Variants in HDAC4 observed in about 807,000 individuals in gnomAD.
HDAC4 encodes histone deacetylase A.
HDAC4 carries 16 observed loss-of-function variants against 135.1 expected under a neutral mutation model. The ratio of observed to expected loss-of-function variants is 0.12; its 90% CI spans 0.08 to 0.18. The LOEUF (loss-of-function observed/expected upper bound fraction) is 0.18, where lower values mean the gene tolerates loss of function less well. HDAC4 is among the 10% of genes least tolerant of loss of function. The pLI, the probability that HDAC4 is intolerant of heterozygous loss-of-function variation, is 1.00. For missense variants in HDAC4, 1,143 were observed against 1,511.8 expected, an observed-to-expected ratio of 0.76 and a Z score of 4.05; for synonymous variants, 685 against 653.4, an observed-to-expected ratio of 1.05 and a Z score of -0.74.
At position 239,134,541 on chromosome 2, in the gene HDAC4, T is replaced by C; in HGVS notation, c.1081A>G (p.Thr361Ala). ...LPNITLGLPA[T>A]GPSAGTAGQQ... is the part of the protein sequence containing the mutation. ...GGCTGACTTACCGCAGAGGGGCCGG[T>C]GGCAGGCAGGCCCAGCGTGATGTTG... Residue 361 changes from threonine to alanine, a missense_variant, in exon 10 of 27, where the codon ACC (threonine) becomes GCC (alanine). Physicochemically the swap from Thr to Ala is moderately conservative, Grantham distance 58. This residue lies in a region of HDAC4 where 272 missense variants were observed against 309.7 expected (regional missense o/e 0.88). Coordinates refer to ENST00000543185, the MANE Select transcript of HDAC4 (RefSeq NM_001378414.1). 1 of 1,614,002 alleles carries C rather than the reference T, an allele frequency of 6.2e-7. No individual in the cohort carries two copies. Among genetic ancestry groups the C allele is most frequent in the East Asian group, 2.2e-5 (1 of 44,858 alleles).
chr2:239,080,951 A>C, intron 22 of HDAC4, 144 bp downstream of exon 22: 1 of 631,864 alleles, frequency 1.6e-6, no homozygotes, highest in Non-Finnish European at 2.8e-6. Flanking sequence ...TGAAGAATGA[A>C]CTGAGACAGC....
intron 22 of HDAC4, among the ~76,000 whole-genome samples, chr2:239,076,403 C>A (rs1252086813): frequency 6.6e-6 from 1 of 152,250 alleles, no homozygotes; most frequent in African/African-American, 2.4e-5. Context: ...CCTGTACATA[C>A]CATCCTCAAA....
chr2:239,119,063 A>C (rs765757969), intron 12 of HDAC4, among the ~76,000 whole-genome samples: 2 of 152,132 alleles, frequency 1.3e-5, no homozygotes, highest in Non-Finnish European at 2.9e-5. Context: ...ATGGCATCCA[A>C]GTCTTGGCTT....
In HDAC4 at chr2:239,094,813, C is replaced by T. The variant is rs955016837; in HGVS notation, c.2280+197G>A. The T allele has an allele frequency of 7.6e-6, 11 of 1,455,450 alleles. No homozygotes were observed. In the African/African-American group the frequency reaches 1.3e-4, roughly 17 times the overall value. 90.2% of individuals were successfully genotyped at this position (1,455,450 alleles called of 1,614,324 possible). On this transcript the variant is annotated intron_variant, in intron 17 of 26. Coordinates refer to ENST00000543185, the MANE Select transcript of HDAC4 (RefSeq NM_001378414.1). The stretch of plus-strand genomic sequence containing the variant: ...AGCCACCTGCGCCAGACAACCTTCC[C>T]CAGAGAAAGGTGCCCGAGTCGGCGA...
chr2:239,258,182 T>C (rs1317940843), intron 2 of HDAC4, among the ~76,000 whole-genome samples: 2 of 148,650 alleles, frequency 1.3e-5, no homozygotes, highest in African/African-American at 2.5e-5. Flanking sequence ...ACAGCTAGAG[T>C]GAATTTGTGA....
intron 26 of HDAC4, 152 bp downstream of exon 26, chr2:239,053,308 G>C: frequency 7.8e-7 from 1 of 1,290,240 alleles, no homozygotes; most frequent in Non-Finnish European, 1.1e-6. Flanking sequence ...CGTCTCTAAG[G>C]GGCTTTGGCA....
chr2:239,290,956 C>T (rs1437925671), intron 2 of HDAC4, among the ~76,000 whole-genome samples: 1 of 152,200 alleles, frequency 6.6e-6, no homozygotes, highest in Non-Finnish European at 1.5e-5. Flanking sequence ...TCTTTAAAAG[C>T]TTTATCCAAT....
intron 2 of HDAC4, among the ~76,000 whole-genome samples, chr2:239,312,503 G>T (rs2052931073): frequency 6.6e-6 from 1 of 152,218 alleles, no homozygotes; most frequent in African/African-American, 2.4e-5. Context: ...GCCAGATGAT[G>T]GTGAAATTCA....
chr2:239,165,975 C>T (rs566598657), intron 5 of HDAC4, among the ~76,000 whole-genome samples: 4 of 152,216 alleles, frequency 2.6e-5, no homozygotes, highest in Middle Eastern at 3.4e-3. Context: ...ACTCTGATGG[C>T]TCAGAAATGG....
chr2:239,313,713 A>G lies in HDAC4; in HGVS notation c.22+38965T>C, dbSNP rs1470708753. On this transcript the variant is annotated intron_variant, in intron 2 of 26. Transcript: ENST00000543185. The surrounding 1 kb of genome is among the most constrained non-coding windows in gnomAD (Gnocchi z 5.1). Reference sequence around the variant, plus strand: ...ACTGGTGACAGAAAGGAAGATTCAGAAAAGCCTTCACGCCTGGCAATATGG... The same window carrying G: ...ACTGGTGACAGAAAGGAAGATTCAGGAAAGCCTTCACGCCTGGCAATATGG... Among the ~76,000 whole-genome samples the G allele has an allele frequency of 6.6e-6, 1 of 152,246 alleles. No individual in the cohort carries two copies. The highest frequency in any genetic ancestry group is 1.5e-5 in the Non-Finnish European group (1 of 68,052).
At chr2:239,386,032 G>A (rs1454058157) in intron 1 of HDAC4, among the ~76,000 whole-genome samples, 3 of 152,200 alleles carry the variant, frequency 2.0e-5, no homozygotes, top group Non-Finnish European at 4.4e-5. Context: ...GGGTCGGGGA[G>A]GCTGGGCCAA....
At chr2:239,187,471 G>A (rs1373399763) in intron 4 of HDAC4, among the ~76,000 whole-genome samples, 1 of 152,218 alleles carries the variant, frequency 6.6e-6, no homozygotes, top group Non-Finnish European at 1.5e-5. Flanking sequence ...TGAAGCCCTG[G>A]GCAGGCTGCA....
intron 19 of HDAC4, among the ~76,000 whole-genome samples, chr2:239,084,670 G>GAC (rs2035720159): frequency 1.5e-5 from 2 of 137,632 alleles, no homozygotes; most frequent in South Asian, 2.4e-4. Context: ...ACACACCACA[G>GAC]AGACACACCC....
intron 2 of HDAC4, among the ~76,000 whole-genome samples, chr2:239,275,185 G>C (rs2050285367): frequency 6.6e-6 from 1 of 152,190 alleles, no homozygotes; most frequent in Non-Finnish European, 1.5e-5. Context: ...GTGGGCCGAA[G>C]CCACCCCAGG....
intron 8 of HDAC4, among the ~76,000 whole-genome samples, chr2:239,143,309 T>C (rs1007481467): frequency 6.6e-6 from 1 of 151,972 alleles, no homozygotes; most frequent in African/African-American, 2.4e-5. Context: ...CCATTAGAGC[T>C]GGCCAAGCAA....
chr2:239,262,566 A>C lies in HDAC4; in HGVS notation c.23-25902T>G, dbSNP rs992742806. 1.8e-4 allele frequency among the ~76,000 whole-genome samples: 28 copies of C among 152,244 alleles called. No homozygotes were observed. Among genetic ancestry groups the C allele is most frequent in the African/African-American group, 6.8e-4 (28 of 41,466 alleles). ...GACTGATCTCTACTCTGAGGGGGCC[A>C]GAGCCTGGCTCTGACACTCTTGGCC... On this transcript the variant is annotated intron_variant, in intron 2 of 26. Coordinates refer to ENST00000543185, the MANE Select transcript of HDAC4 (RefSeq NM_001378414.1). This position sits in a 1 kb window ranked among gnomAD's most constrained non-coding sequence, Gnocchi z 4.1.
intron 2 of HDAC4, among the ~76,000 whole-genome samples, chr2:239,325,453 T>C (rs538616504): frequency 1.3e-5 from 2 of 152,096 alleles, no homozygotes; most frequent in East Asian, 1.9e-4. Flanking sequence ...CAACGGCCAA[T>C]AGGTACATGA....
At chr2:239,346,840 CACCCT>C (rs1471112159) in intron 2 of HDAC4, among the ~76,000 whole-genome samples, 18 of 149,230 alleles carry the variant, frequency 1.2e-4, no homozygotes, top group Non-Finnish European at 2.5e-4. Context: ...CTAACACACA[CACCCT>C]GTCTCACACA....
intron 2 of HDAC4, among the ~76,000 whole-genome samples, chr2:239,339,605 C>T (rs775426725): frequency 7.2e-5 from 11 of 152,214 alleles, no homozygotes; most frequent in Non-Finnish European, 4.4e-5. Context: ...TTTGAAATAA[C>T]ATCCCTCAGC....
Sources: gnomAD v4.1 joint callset for allele counts (sites outside exome capture counted in the v4.1 genomes callset) on GRCh38, gnomAD v4.1.1 for gene constraint, gnomAD v4.1.1 regional missense constraint, Gnocchi (gnomAD v3.1) non-coding constraint, MANE v1.5 for transcripts, NCBI Gene and HGNC (gene_info 2026-07-23, HGNC 2026-07-21) for gene names.